The following SDK1 variants were observed in gnomAD, a reference collection of about 807,000 sequenced individuals.
The protein encoded by SDK1 is protein sidekick-1.
In SDK1, 157 loss-of-function variants were observed where a neutral mutation model predicts 245.5. The ratio of observed to expected loss-of-function variants is 0.64; its 90% CI spans 0.56 to 0.73. The LOEUF is 0.73. Ranked by LOEUF, SDK1 falls within the 30% of genes least tolerant of loss-of-function variation. The probability of loss-of-function intolerance (pLI) is 0.00; values close to 1 mark genes in which losing one functional copy is unlikely to be tolerated. For missense variants in SDK1, 3,583 were observed against 3,002.3 expected (o/e 1.19, Z -4.52); for synonymous variants, 1,647 against 1,278.5 (o/e 1.29, Z -6.15).
intron 5 of SDK1, among the ~76,000 whole-genome samples, chr7:3,898,647 C>A (rs928456121): frequency 6.6e-6 from 1 of 152,136 alleles, no homozygotes; most frequent in African/African-American, 2.4e-5. Flanking sequence ...GGAATTCTCA[C>A]TGATGAAAAT....
chr7:3,664,612 C>T lies in SDK1; in HGVS notation c.713+22507C>T, dbSNP rs550706043. Among the ~76,000 whole-genome samples, 177 of 151,986 alleles carry T rather than the reference C, an allele frequency of 1.2e-3. 2 individuals carry two copies. Among genetic ancestry groups the T allele is most frequent in the African/African-American group, 3.8e-3 (158 of 41,450 alleles). On this transcript the variant is annotated intron_variant, in intron 4 of 44. Coordinates refer to ENST00000404826, the MANE Select transcript of SDK1 (RefSeq NM_152744.4). ...AAAATTGGCCGGGCATGGTGGCGGG[C>T]ATCTGTAATCCCAGCTGCTTGGAAG...
At chr7:4,087,475 G>A (rs1049444792) in intron 22 of SDK1, among the ~76,000 whole-genome samples, 2 of 106,494 alleles carry the variant, frequency 1.9e-5, no homozygotes, top group Admixed American at 8.0e-5. Context: ...AGACACACAC[G>A]CGCGCACACA....
intron 5 of SDK1, among the ~76,000 whole-genome samples, chr7:3,934,816 A>C (rs1157650715): frequency 6.6e-6 from 1 of 152,328 alleles, no homozygotes; most frequent in East Asian, 1.9e-4. Flanking sequence ...TGACCCCAGA[A>C]AGTGTGAGTA....
chr7:3,695,588 T>C (rs1784547085), intron 4 of SDK1, among the ~76,000 whole-genome samples: 1 of 152,228 alleles, frequency 6.6e-6, no homozygotes, highest in African/African-American at 2.4e-5. Flanking sequence ...GTTTATTATA[T>C]TGGAGGTACC....
chr7:3,513,152 A>T (rs149791423), intron 1 of SDK1, among the ~76,000 whole-genome samples: 18 of 152,212 alleles, frequency 1.2e-4, no homozygotes, highest in African/African-American at 3.6e-4. Context: ...ACTGAGCTCT[A>T]TGTCTGTGAC....
rs534208826 is a variant in SDK1 at position 3,995,696 on chromosome 7, T to C, written c.2131+8374T>C. On this transcript the variant is annotated intron_variant, in intron 14 of 44. Transcript: ENST00000404826. ...GTTTCGGGTCTTCTGAGGGTTGTTT[T>C]AGTTTGTGTTTCGACTGCTAGTATT... Among the ~76,000 whole-genome samples the C allele has an allele frequency of 8.5e-5, 13 of 152,332 alleles. No homozygotes were observed. In the East Asian group the frequency reaches 2.1e-3, roughly 25 times the overall value.
chr7:4,030,099 C>A (rs1020158251), intron 17 of SDK1, among the ~76,000 whole-genome samples: 1 of 152,096 alleles, frequency 6.6e-6, no homozygotes, highest in Non-Finnish European at 1.5e-5. Context: ...GCTAGATGCG[C>A]GTCAAGCATC....
intron 28 of SDK1, among the ~76,000 whole-genome samples, chr7:4,145,050 G>C (rs1485711081): frequency 6.6e-6 from 1 of 152,166 alleles, no homozygotes; most frequent in African/African-American, 2.4e-5. Flanking sequence ...AGGAACGTCT[G>C]GTCAACCCCA....
intron 4 of SDK1, among the ~76,000 whole-genome samples, chr7:3,809,624 A>G (rs949321989): frequency 2.6e-4 from 39 of 152,228 alleles, no homozygotes; most frequent in Non-Finnish European, 8.8e-5. Context: ...TTCAAAAAGC[A>G]GTTCACTCTG....
chr7:4,015,849 T>G (rs1399391737), intron 16 of SDK1, among the ~76,000 whole-genome samples: 1 of 152,056 alleles, frequency 6.6e-6, no homozygotes, highest in Non-Finnish European at 1.5e-5. Flanking sequence ...CATCATTTGT[T>G]TTCTATCAAA....
intron 1 of SDK1, among the ~76,000 whole-genome samples, chr7:3,353,563 C>G (rs1780715721): frequency 6.6e-6 from 1 of 152,034 alleles, no homozygotes; most frequent in Non-Finnish European, 1.5e-5. Context: ...TTAGTAGTGC[C>G]CTGTGTGTAG....
chr7:3,374,656 G>A (rs888158690), intron 1 of SDK1, among the ~76,000 whole-genome samples: 1 of 151,844 alleles, frequency 6.6e-6, no homozygotes, highest in Non-Finnish European at 1.5e-5. Context: ...TACATATTCT[G>A]TTCCCTCTGC....
At chr7:3,856,806 T>A (rs1213352431) in intron 5 of SDK1, among the ~76,000 whole-genome samples, 1 of 152,134 alleles carries the variant, frequency 6.6e-6, no homozygotes, top group Non-Finnish European at 1.5e-5. Flanking sequence ...AACAGCTATG[T>A]TATATGCTAC....
chr7:3,749,802 A>C (rs1466228301), intron 4 of SDK1, among the ~76,000 whole-genome samples: 1 of 152,186 alleles, frequency 6.6e-6, no homozygotes, highest in East Asian at 1.9e-4. Context: ...TGGACCCTAC[A>C]AATCCCAAGG....
Position 4,012,193 on chromosome 7 carries a change from C to T in SDK1, c.2378C>T (p.Pro793Leu). 1.3e-6 allele frequency: 2 copies of T among 1,569,890 alleles called. No individual in the cohort carries two copies. Among genetic ancestry groups the T allele is most frequent in the Non-Finnish European group, 1.7e-6 (2 of 1,159,044 alleles). The change falls in exon 16 of 45, where the codon CCA (proline) becomes CTA (leucine). Residue 793 changes from proline (P) to leucine (L), a missense_variant. Physicochemically the swap from Pro to Leu is moderately conservative, Grantham distance 98 (BLOSUM62 -3). Coordinates refer to ENST00000404826, the MANE Select transcript of SDK1 (RefSeq NM_152744.4). ...ATTATGGTCCAGTGGCAGCCACCCC[C>T]AGAAACAGAGCACAACGGGGTGTTG... ...QSIMVQWQPP[P>L]ETEHNGVLRG...
chr7:3,328,032 T>C (rs1043720071), intron 1 of SDK1, among the ~76,000 whole-genome samples: 1 of 152,130 alleles, frequency 6.6e-6, no homozygotes, highest in Non-Finnish European at 1.5e-5. Flanking sequence ...TAGATTACTA[T>C]GTGGAGCATA....
chr7:3,878,508 C>A (rs1781126601), intron 5 of SDK1, among the ~76,000 whole-genome samples: 1 of 152,080 alleles, frequency 6.6e-6, no homozygotes, highest in Admixed American at 6.6e-5. Flanking sequence ...CAGAGCAAGA[C>A]TCTGTCTCAA....
intron 4 of SDK1, among the ~76,000 whole-genome samples, chr7:3,700,658 A>G (rs1784713745): frequency 6.6e-6 from 1 of 152,222 alleles, no homozygotes; most frequent in Admixed American, 6.5e-5. Flanking sequence ...GAGAACACCC[A>G]CAACAAACAA....
intron 1 of SDK1, among the ~76,000 whole-genome samples, chr7:3,589,104 C>T (rs902187545): frequency 2.0e-5 from 3 of 152,084 alleles, no homozygotes; most frequent in Non-Finnish European, 2.9e-5. Context: ...GAAATTATTA[C>T]CCCCTTTTTA....
Sources: allele counts gnomAD v4.1 joint callset (sites outside exome capture counted in the v4.1 genomes callset), GRCh38; gene constraint gnomAD v4.1.1; transcripts MANE v1.5; gene names NCBI Gene and HGNC (gene_info 2026-07-23, HGNC 2026-07-21).